Variants in DIP2C observed in about 807,000 individuals in gnomAD.
The protein encoded by DIP2C is DIP2 acetate--CoA ligase C (putative).
In DIP2C, 33 loss-of-function variants were observed where a neutral mutation model predicts 192.4. The observed-to-expected ratio is 0.17, with a 90% CI of 0.13 to 0.23. The LOEUF (loss-of-function observed/expected upper bound fraction) is 0.23. Among genes scored for constraint, DIP2C ranks in the 10% least tolerant of loss-of-function variants. The pLI, the probability that DIP2C is intolerant of heterozygous loss-of-function variation, is 1.00. For missense variants in DIP2C, 1,537 were observed against 2,110.1 expected, an observed-to-expected ratio of 0.73 and a Z score of 5.32; for synonymous variants, 979 against 864.1, an observed-to-expected ratio of 1.13 and a Z score of -2.33.
intron 9 of DIP2C, among the ~76,000 whole-genome samples, chr10:406,381 C>A (rs1258470993): frequency 1.3e-5 from 2 of 152,226 alleles, no homozygotes; most frequent in South Asian, 2.1e-4. Flanking sequence ...CTATTAAACA[C>A]GAACTTTGCA....
chr10:476,916 G>T (rs1434205120), intron 2 of DIP2C, among the ~76,000 whole-genome samples: 2 of 151,960 alleles, frequency 1.3e-5, no homozygotes, highest in African/African-American at 4.8e-5. Flanking sequence ...GGAGAAGCAG[G>T]CAGGAGGTGA....
intron 1 of DIP2C, among the ~76,000 whole-genome samples, chr10:612,892 T>C (rs1481108903): frequency 2.6e-5 from 4 of 152,224 alleles, no homozygotes; most frequent in Non-Finnish European, 2.9e-5. Flanking sequence ...CGGAAAGCAC[T>C]GGCTGACTTG....
chr10:541,935 C>T (rs1848014357), intron 1 of DIP2C, among the ~76,000 whole-genome samples: 1 of 151,080 alleles, frequency 6.6e-6, no homozygotes, highest in South Asian at 2.1e-4. Flanking sequence ...CCGCTGTGTG[C>T]CTGGTGCACT....
At chr10:610,087 A>G (rs1255178716) in intron 1 of DIP2C, among the ~76,000 whole-genome samples, 1 of 152,220 alleles carries the variant, frequency 6.6e-6, no homozygotes, top group African/African-American at 2.4e-5. Flanking sequence ...AGTGCCGGTC[A>G]ACAGGGGATG....
At chr10:570,838 T>A (rs929229694) in intron 1 of DIP2C, among the ~76,000 whole-genome samples, 1 of 152,256 alleles carries the variant, frequency 6.6e-6, no homozygotes, top group Admixed American at 6.5e-5. Flanking sequence ...ACGCAGAGCA[T>A]GGAGCTCTGG....
chr10:279,473 G>C (rs906800894), intron 36 of DIP2C, among the ~76,000 whole-genome samples: 1 of 152,256 alleles, frequency 6.6e-6, no homozygotes, highest in African/African-American at 2.4e-5. Context: ...GGTGGTGCCA[G>C]TGACTCTCAG....
At chr10:303,447 CAG>C (rs1354955406) in intron 32 of DIP2C, among the ~76,000 whole-genome samples, 1 of 152,140 alleles carries the variant, frequency 6.6e-6, no homozygotes, top group Non-Finnish European at 1.5e-5. Context: ...CTTATAAAAA[CAG>C]ATTAAAACAT....
At chr10:549,991 A>G (rs1296906438) in intron 1 of DIP2C, among the ~76,000 whole-genome samples, 2 of 150,282 alleles carry the variant, frequency 1.3e-5, no homozygotes, top group African/African-American at 4.9e-5. Flanking sequence ...TACAGAAGCA[A>G]CAAGGGACGT....
At chr10:434,951 ATTTTTG>A (rs1733803856) in intron 4 of DIP2C, among the ~76,000 whole-genome samples, 1 of 151,966 alleles carries the variant, frequency 6.6e-6, no homozygotes, top group Non-Finnish European at 1.5e-5. Flanking sequence ...AGTATAGTTT[ATTTTTG>A]TTTTTGTCGT....
chr10:369,411 C>A, intron 18 of DIP2C, 83 bp downstream of exon 18: 2 of 1,455,542 alleles, frequency 1.4e-6, no homozygotes, highest in South Asian at 3.0e-5. Flanking sequence ...AACGCGGGAA[C>A]GTGGGAACGC....
rs1201911659 is a variant in DIP2C at position 362,709 on chromosome 10, A to G, written c.2593-18T>C. On this transcript the variant is annotated intron_variant, in intron 21 of 36. Transcript: ENST00000280886. ...TCAATCGCCTAGAAAGTTAATAAAGAGGAAATCATGTTATAAGAGGAAGTA... is the reference window on the plus strand; with the variant it reads ...TCAATCGCCTAGAAAGTTAATAAAGGGGAAATCATGTTATAAGAGGAAGTA... 4 of 1,591,328 alleles carry G rather than the reference A, an allele frequency of 2.5e-6. No homozygotes were observed. Among genetic ancestry groups the G allele is most frequent in the Non-Finnish European group, 3.4e-6 (4 of 1,168,288 alleles).
chr10:340,298 G>C (rs561212847), intron 29 of DIP2C, among the ~76,000 whole-genome samples: 1 of 151,592 alleles, frequency 6.6e-6, no homozygotes, highest in African/African-American at 2.4e-5. Context: ...AATGTGTAAA[G>C]AAGATTTATG....
At chr10:596,484 G>A (rs115100920) in intron 1 of DIP2C, among the ~76,000 whole-genome samples, 1,769 of 95,014 alleles carry the variant, frequency 0.019, 43 homozygotes, top group African/African-American at 0.066. Flanking sequence ...CGACCAGTGC[G>A]AAACTCCATC....
At chr10:542,619 A>G (rs1485846340) in intron 1 of DIP2C, among the ~76,000 whole-genome samples, 2 of 152,200 alleles carry the variant, frequency 1.3e-5, no homozygotes, top group African/African-American at 4.8e-5. Flanking sequence ...GGAGGGTTCT[A>G]ACCCTGCCCC....
At chr10:674,827 G>C (rs1370440630) in intron 1 of DIP2C, among the ~76,000 whole-genome samples, 1 of 136,736 alleles carries the variant, frequency 7.3e-6, no homozygotes, top group African/African-American at 3.0e-5. Flanking sequence ...GAGAGAGAGA[G>C]AGACCAACAC....
intron 3 of DIP2C, 70 bp from the exon 4 acceptor site, chr10:441,066 CTG>C: frequency 6.5e-7 from 1 of 1,536,666 alleles, no homozygotes; most frequent in South Asian, 1.3e-5. Flanking sequence ...ACCCTCCTCT[CTG>C]TCCCTGCAGC....
intron 1 of DIP2C, among the ~76,000 whole-genome samples, chr10:685,341 G>A (rs932007691): frequency 1.3e-5 from 2 of 151,876 alleles, no homozygotes; most frequent in African/African-American, 2.4e-5. Context: ...ATAACTGCTC[G>A]CTGAAGGAAT....
At chr10:429,824 G>T (rs571234051) in intron 4 of DIP2C, among the ~76,000 whole-genome samples, 3 of 152,126 alleles carry the variant, frequency 2.0e-5, no homozygotes, top group Admixed American at 2.0e-4. Flanking sequence ...TGGCAATTAT[G>T]AATAAGGCTG....
Position 396,086 on chromosome 10 carries a change from C to T in DIP2C, c.1260+3023G>A, listed in dbSNP as rs768030242. Among the ~76,000 whole-genome samples, 36 of 152,212 alleles carry T rather than the reference C, an allele frequency of 2.4e-4. 2 individuals carry two copies. The highest frequency in any genetic ancestry group is 1.5e-3 in the South Asian group (7 of 4,826). On this transcript the variant is annotated intron_variant, in intron 10 of 36. Coordinates refer to ENST00000280886, the MANE Select transcript of DIP2C (RefSeq NM_014974.3). ...TGTGGGAGAGGAAAACTGTCCTCTTCCTCCATCATCACTGCCACAGCTTCC... is the reference window on the plus strand; with the variant it reads ...TGTGGGAGAGGAAAACTGTCCTCTTTCTCCATCATCACTGCCACAGCTTCC...
Sources: allele counts gnomAD v4.1 joint callset (sites outside exome capture counted in the v4.1 genomes callset), GRCh38; gene constraint gnomAD v4.1.1; transcripts MANE v1.5; gene names NCBI Gene and HGNC (gene_info 2026-07-23, HGNC 2026-07-21).